Variants in STON1 observed in about 807,000 individuals in gnomAD.
STON1 encodes the protein stonin-1.
In STON1, 79 loss-of-function variants were observed where a neutral mutation model predicts 60.9. The observed-to-expected ratio is 1.30, with a 90% CI of 1.08 to 1.56. STON1 has a LOEUF of 1.56. STON1 is among the 40% of genes most tolerant of loss of function. The probability of loss-of-function intolerance (pLI) is 0.00; values close to 1 mark genes in which losing one functional copy is unlikely to be tolerated. For missense variants in STON1, 1,166 were observed against 858.9 expected (o/e 1.36, Z -4.47); for synonymous variants, 363 against 306.9 (o/e 1.18, Z -1.91).
At chr2:48,532,548 C>G (rs1051252485) in intron 1 of STON1, among the ~76,000 whole-genome samples, 5 of 152,082 alleles carry the variant, frequency 3.3e-5, no homozygotes, top group Non-Finnish European at 7.4e-5. Context: ...GTCTCTTCCT[C>G]TTCCTGAGAA....
At chr2:48,533,988 C>T (rs972843090) in intron 1 of STON1, among the ~76,000 whole-genome samples, 15 of 151,922 alleles carry the variant, frequency 9.9e-5, no homozygotes, top group Non-Finnish European at 1.9e-4. Flanking sequence ...AGGCTGGTTT[C>T]GAACTCCTGA....
chr2:48,582,617 T>G lies in STON1; in HGVS notation c.1930+54T>G, dbSNP rs3792235. 1,330 of 1,557,932 alleles carry G rather than the reference T, an allele frequency of 8.5e-4. 11 individuals carry two copies. In the African/African-American group the frequency reaches 0.016, roughly 19 times the overall value. Reference sequence around the variant, plus strand: ...TCATGGGAAATAGCTTAAATATTCTTACCTTCCTCCTTGGGTTGAAACCAG... The same window carrying G: ...TCATGGGAAATAGCTTAAATATTCTGACCTTCCTCCTTGGGTTGAAACCAG... On this transcript the variant is annotated intron_variant, in intron 2 of 3. Coordinates refer to ENST00000404752, the MANE Select transcript of STON1 (RefSeq NM_006873.4).
intron 1 of STON1, 88 bp from the exon 2 acceptor site, chr2:48,580,499 A>T (rs923953436): frequency 2.3e-5 from 28 of 1,214,880 alleles, no homozygotes; most frequent in Non-Finnish European, 2.7e-5. Flanking sequence ...TATAATTTTT[A>T]AGCATTTATC....
chr2:48,575,388 T>A (rs1373779768), intron 1 of STON1, among the ~76,000 whole-genome samples: 2 of 152,188 alleles, frequency 1.3e-5, no homozygotes, highest in East Asian at 3.9e-4. Flanking sequence ...GTTCTGTGGC[T>A]CACACCTGTA....
rs1211797365 is a variant in STON1 at position 48,597,359 on chromosome 2, C to T, written c.*2057C>T. ...GGAGGCCGGCCGAAACTGATGCTGC[C>T]CACAGTCCCAGTGAAGTTAGGTGGG... is the stretch of plus-strand genomic sequence containing the variant. On this transcript the variant is annotated 3_prime_UTR_variant, in exon 4 of 4. Coordinates refer to ENST00000404752, the MANE Select transcript of STON1 (RefSeq NM_006873.4). The T allele has an allele frequency of 6.6e-6, 1 of 152,202 alleles. No individual in the cohort carries two copies. The highest frequency in any genetic ancestry group is 1.5e-5 in the Non-Finnish European group (1 of 68,066). The allele number at this position is 152,202 out of a possible 1,614,324, so 9.4% of individuals were successfully genotyped here.
intron 1 of STON1, among the ~76,000 whole-genome samples, chr2:48,544,029 A>G (rs1034766753): frequency 2.0e-5 from 3 of 152,164 alleles, no homozygotes; most frequent in African/African-American, 4.8e-5. Context: ...TGAGAATTTT[A>G]CAAGACCTAA....
intron 3 of STON1, among the ~76,000 whole-genome samples, chr2:48,593,996 C>T (rs1188615591): frequency 6.6e-6 from 1 of 152,130 alleles, no homozygotes; most frequent in Non-Finnish European, 1.5e-5. Context: ...GGTGTATAGG[C>T]CCCTTTGCAT....
intron 1 of STON1, among the ~76,000 whole-genome samples, chr2:48,576,970 C>T (rs1673546266): frequency 6.6e-6 from 1 of 151,266 alleles, no homozygotes; most frequent in South Asian, 2.1e-4. Context: ...AGGAGAATGG[C>T]GTGAACCTGG....
rs76201853 is a variant in STON1, at chr2:48,542,002, A to C, written c.-48+11786A>C. Reference sequence around the variant, plus strand: ...TATAGTAGATCAAAACCTCATGCTCAACTAGCATCTTAACTCACATCTATG... The same window carrying C: ...TATAGTAGATCAAAACCTCATGCTCCACTAGCATCTTAACTCACATCTATG... On this transcript the variant is annotated intron_variant, in intron 1 of 3. Transcript: ENST00000404752. Among the ~76,000 whole-genome samples the C allele has an allele frequency of 4.6e-3, 702 of 152,340 alleles. 5 individuals carry two copies. The highest frequency in any genetic ancestry group is 0.016 in the African/African-American group (657 of 41,574).
At chr2:48,578,581 CTTTTTTTTTTT>C (rs59933765) in intron 1 of STON1, among the ~76,000 whole-genome samples, 37 of 46,158 alleles carry the variant, frequency 8.0e-4, no homozygotes, top group Non-Finnish European at 1.1e-3. Flanking sequence ...CTCCTCCTTC[CTTTTTTTTTTT>C]TTTTTTTTTT....
rs770730987 is a variant in STON1 at position 48,580,959 on chromosome 2, C to T, written c.326C>T (p.Ser109Phe). The T allele has an allele frequency of 2.5e-6, 4 of 1,586,146 alleles. No homozygotes were observed. In the African/African-American group the frequency reaches 4.1e-5, roughly 16 times the overall value. ...GTGCTTTATCCTATTCCAGAATCAT[C>T]TTCAGACAGCCCACTCGCAATATCA... ...THVLYPIPES[S>F]SDSPLAISGG... Residue 109 changes from serine (S) to phenylalanine (F), a missense_variant, in exon 2 of 4, where the codon TCT becomes TTT. By Grantham distance (155) the Ser-to-Phe change is radical. Coordinates refer to ENST00000404752, the MANE Select transcript of STON1 (RefSeq NM_006873.4).
intron 1 of STON1, among the ~76,000 whole-genome samples, chr2:48,574,893 CTT>C (rs1673393996): frequency 6.6e-6 from 1 of 152,238 alleles, no homozygotes; most frequent in Admixed American, 6.5e-5. Flanking sequence ...GAAATCTACT[CTT>C]TTAAAAGTTT....
rs114267562 is a variant in STON1, at chr2:48,574,704, T to G, written c.-47-5883T>G. The stretch of plus-strand genomic sequence containing the variant: ...TTCTAAAGTGTAAACCTCACATATT[T>G]TTGGACTGTCAATGGGTTATAAGTT... On this transcript the variant is annotated intron_variant, in intron 1 of 3. Transcript: ENST00000404752. Among the ~76,000 whole-genome samples the G allele has an allele frequency of 9.5e-3, 1,440 of 152,310 alleles. 22 individuals are homozygous for G. Among genetic ancestry groups the G allele is most frequent in the African/African-American group, 0.032 (1,344 of 41,570 alleles).
intron 1 of STON1, among the ~76,000 whole-genome samples, chr2:48,535,125 G>C (rs1339612769): frequency 6.6e-6 from 1 of 152,106 alleles, no homozygotes; most frequent in Non-Finnish European, 1.5e-5. Flanking sequence ...GCAGCGTCAG[G>C]AGAGTGTGAT....
chr2:48,554,129 G>C (rs191786003), intron 1 of STON1, among the ~76,000 whole-genome samples: 23 of 152,338 alleles, frequency 1.5e-4, no homozygotes, highest in Middle Eastern at 6.8e-3. Flanking sequence ...TTGGGAGCTA[G>C]TGTGCCTTGC....
intron 1 of STON1, among the ~76,000 whole-genome samples, chr2:48,551,738 C>T (rs876969): frequency 0.19 from 29,097 of 152,266 alleles, 3,056 homozygotes; most frequent in South Asian, 0.31. Flanking sequence ...CAGAACCTGG[C>T]TGAAGTGTCA....
chr2:48,533,391 G>GA (rs890517590), intron 1 of STON1, among the ~76,000 whole-genome samples: 1 of 147,822 alleles, frequency 6.8e-6, no homozygotes, highest in African/African-American at 2.5e-5. Context: ...GAAAAGAAAA[G>GA]AAAAAAAAAG....
chr2:48,536,488 C>T (rs548797156), intron 1 of STON1, among the ~76,000 whole-genome samples: 1 of 142,572 alleles, frequency 7.0e-6, no homozygotes, highest in East Asian at 2.0e-4. Context: ...GCGGAGGTTG[C>T]AGTGAGCTGA....
At chr2:48,553,732 CCT>C (rs1672197013) in intron 1 of STON1, among the ~76,000 whole-genome samples, 1 of 152,142 alleles carries the variant, frequency 6.6e-6, no homozygotes, top group African/African-American at 2.4e-5. Context: ...AAGTGATGCA[CCT>C]GCCTCGGCCT....
Sources: gnomAD v4.1 joint callset for allele counts (sites outside exome capture counted in the v4.1 genomes callset) on GRCh38, gnomAD v4.1.1 for gene constraint, MANE v1.5 for transcripts, NCBI Gene and HGNC (gene_info 2026-07-23, HGNC 2026-07-21) for gene names.